The following RABGAP1L variants were observed in gnomAD, a reference collection of about 807,000 sequenced individuals.
RABGAP1L encodes rab GTPase-activating protein 1-like.
In RABGAP1L, 63 loss-of-function variants were observed where a neutral mutation model predicts 137.7. That is an observed-to-expected ratio of 0.46 (90% confidence interval 0.37 to 0.56). The LOEUF is 0.56. RABGAP1L is among the 20% of genes least tolerant of loss of function. The pLI is 0.00. For missense variants in RABGAP1L, 1,095 were observed against 1,244.0 expected (o/e 0.88, Z 1.80); for synonymous variants, 431 against 433.7 (o/e 0.99, Z 0.08).
At chr1:174,403,210 T>G (rs188603563) in intron 13 of RABGAP1L, among the ~76,000 whole-genome samples, 1 of 77,520 alleles carries the variant, frequency 1.3e-5, no homozygotes, top group African/African-American at 6.1e-5. Flanking sequence ...TATATGAGAG[T>G]GTGTGTGTGT....
intron 19 of RABGAP1L, chr1:174,922,242 A>G (rs1661940731): frequency 6.5e-6 from 1 of 153,764 alleles, no homozygotes; most frequent in Admixed American, 6.5e-5. Context: ...TTTTACATAC[A>G]TCTTGGGAAG....
intron 13 of RABGAP1L, among the ~76,000 whole-genome samples, chr1:174,441,735 A>AAAACAAAC (rs568316315): frequency 1.3e-5 from 2 of 152,022 alleles, no homozygotes; most frequent in Non-Finnish European, 2.9e-5. Flanking sequence ...ACTCTGTCTC[A>AAAACAAAC]AAACAAACAA....
chr1:174,413,572 T>C (rs1650192881), intron 13 of RABGAP1L, among the ~76,000 whole-genome samples: 1 of 152,196 alleles, frequency 6.6e-6, no homozygotes, highest in African/African-American at 2.4e-5. Flanking sequence ...CTGAAGACAC[T>C]GGTACTTCTA....
chr1:174,815,235 GT>G (rs1483674989), intron 19 of RABGAP1L, among the ~76,000 whole-genome samples: 4 of 152,202 alleles, frequency 2.6e-5, no homozygotes, highest in Non-Finnish European at 4.4e-5. Flanking sequence ...AGGTAAGGAT[GT>G]GAGTCATCAT....
At chr1:174,813,592 G>C (rs1042009864) in intron 19 of RABGAP1L, among the ~76,000 whole-genome samples, 1 of 152,144 alleles carries the variant, frequency 6.6e-6, no homozygotes, top group African/African-American at 2.4e-5. Context: ...AAATTATTTT[G>C]TCTTTCAAGT....
chr1:174,520,734 G>A (rs1157591339), intron 13 of RABGAP1L, among the ~76,000 whole-genome samples: 1 of 152,140 alleles, frequency 6.6e-6, no homozygotes, highest in Non-Finnish European at 1.5e-5. Context: ...TGGGCATGGA[G>A]GCTCAGGTCT....
intron 13 of RABGAP1L, among the ~76,000 whole-genome samples, chr1:174,421,752 G>T (rs530436016): frequency 4.6e-5 from 7 of 152,194 alleles, no homozygotes; most frequent in South Asian, 2.1e-4. Flanking sequence ...TGTGTTTTTT[G>T]TTGTTGTTTG....
intron 18 of RABGAP1L, among the ~76,000 whole-genome samples, chr1:174,788,033 T>C (rs1687587035): frequency 1.3e-5 from 2 of 152,238 alleles, no homozygotes; most frequent in Non-Finnish European, 2.9e-5. Flanking sequence ...ATGTGTGCTT[T>C]ATAGAGAAAG....
intron 15 of RABGAP1L, among the ~76,000 whole-genome samples, chr1:174,686,106 G>T (rs771280035): frequency 2.4e-4 from 37 of 152,346 alleles, no homozygotes; most frequent in Middle Eastern, 3.4e-3. Flanking sequence ...CGGATTCTCA[G>T]TAGGGAGGAA....
intron 19 of RABGAP1L, among the ~76,000 whole-genome samples, chr1:174,843,718 T>C (rs932390346): frequency 3.5e-5 from 3 of 85,022 alleles, no homozygotes; most frequent in African/African-American, 1.4e-4. Context: ...AGCAGCATGA[T>C]TTATAGTCAT....
intron 13 of RABGAP1L, among the ~76,000 whole-genome samples, chr1:174,402,476 G>A (rs1447692383): frequency 5.3e-5 from 8 of 152,266 alleles, no homozygotes; most frequent in African/African-American, 1.9e-4. Flanking sequence ...AAGTCAGTGA[G>A]TAAGAAAGAA....
intron 13 of RABGAP1L, among the ~76,000 whole-genome samples, chr1:174,436,197 T>C (rs1478751114): frequency 6.6e-5 from 10 of 152,208 alleles, no homozygotes; most frequent in Non-Finnish European, 1.5e-5. Context: ...GGTCAAATGG[T>C]ATTTCTAGTT....
At chr1:174,662,542 C>G (rs1233017417) in intron 14 of RABGAP1L, among the ~76,000 whole-genome samples, 2 of 151,826 alleles carry the variant, frequency 1.3e-5, no homozygotes, top group Non-Finnish European at 2.9e-5. Context: ...CTCAGCCTCC[C>G]ACCACCACAC....
intron 19 of RABGAP1L, among the ~76,000 whole-genome samples, chr1:174,874,833 C>T (rs1402793497): frequency 6.6e-6 from 1 of 151,962 alleles, no homozygotes; most frequent in East Asian, 1.9e-4. Flanking sequence ...GTATGTTTTT[C>T]GTTGGAACCA....
chr1:174,450,043 A>G (rs1052416648), intron 13 of RABGAP1L, among the ~76,000 whole-genome samples: 1 of 152,044 alleles, frequency 6.6e-6, no homozygotes, highest in South Asian at 2.1e-4. Flanking sequence ...AATATTTTTA[A>G]TGGCTTTTGG....
chr1:174,530,790 T>TATAC (rs79486666), intron 13 of RABGAP1L, among the ~76,000 whole-genome samples: 12,681 of 146,398 alleles, frequency 0.087, 580 homozygotes, highest in Middle Eastern at 0.097. Context: ...CCAAGATTTT[T>TATAC]ATACATACAT....
intron 20 of RABGAP1L, chr1:174,965,002 A>C (rs1241507414): frequency 7.0e-7 from 1 of 1,429,178 alleles, no homozygotes; most frequent in Non-Finnish European, 9.5e-7. Flanking sequence ...TTTTTTTTTA[A>C]TCTATGTATG....
intron 13 of RABGAP1L, among the ~76,000 whole-genome samples, chr1:174,541,875 G>A (rs976575692): frequency 2.0e-5 from 3 of 152,172 alleles, no homozygotes; most frequent in Non-Finnish European, 4.4e-5. Context: ...CTTTGGTTCT[G>A]TTTATATGAT....
intron 11 of RABGAP1L, among the ~76,000 whole-genome samples, chr1:174,355,693 C>G (rs1199368857): frequency 6.6e-6 from 1 of 151,764 alleles, no homozygotes; most frequent in Non-Finnish European, 1.5e-5. Context: ...TTTGACTGCC[C>G]TAGGTCTCGA....
Sources: gnomAD v4.1 joint callset for allele counts (sites outside exome capture counted in the v4.1 genomes callset) on GRCh38, gnomAD v4.1.1 for gene constraint, MANE v1.5 for transcripts, NCBI Gene and HGNC (gene_info 2026-07-23, HGNC 2026-07-21) for gene names.